Variants in NUDT16L1 observed in about 807,000 individuals in gnomAD.
NUDT16L1 encodes the protein tudor-interacting repair regulator protein.
Under a neutral mutation model 17.3 loss-of-function variants are expected in NUDT16L1, and 19 were observed. The observed-to-expected ratio is 1.10, with a 90% CI of 0.77 to 1.61. NUDT16L1 has a LOEUF of 1.61. NUDT16L1 is among the 40% of genes most tolerant of loss of function. NUDT16L1 has a pLI of 0.00. For synonymous variants in NUDT16L1, 255 were observed against 138.6 expected (o/e 1.84, Z -5.90); for missense variants, 341 against 292.0 (o/e 1.17, Z -1.22).
At chr16:4,693,607 C>T, upstream of NUDT16L1, 2 of 1,179,580 alleles carry the variant, frequency 1.7e-6, no homozygotes, top group Non-Finnish European at 1.1e-6. Flanking sequence ...CGGGGCGCGC[C>T]GGCGATTGGC....
upstream of NUDT16L1, chr16:4,693,670 G>A (rs773604973): frequency 4.9e-4 from 671 of 1,369,292 alleles, no homozygotes; most frequent in Non-Finnish European, 5.8e-4. Context: ...AGGCACGGCG[G>A]GGGCGGGCTC....
In NUDT16L1 at chr16:4,695,034, CCTTCGTGAGCACGG is replaced by C; in HGVS notation, c.494_507del (p.Phe165Ter). On this transcript the variant is annotated frameshift_variant, in exon 3 of 3. Transcript: ENST00000304301. LOFTEE classifies it high-confidence loss of function. ...GGCTTCCCCAACTTCCTGAGCAACG[CCTTCGTGAGCACGG>C]CTAAGTGCCAGCTCCTCTTTGCCCT... 1 of 1,613,400 alleles carries C rather than the reference CCTTCGTGAGCACGG, an allele frequency of 6.2e-7. No individual in the cohort carries two copies. The highest frequency in any genetic ancestry group is 8.5e-7 in the Non-Finnish European group (1 of 1,180,016).
chr16:4,694,577 G>A (rs1027555579), intron 2 of NUDT16L1: 2 of 1,444,150 alleles, frequency 1.4e-6, no homozygotes, highest in African/African-American at 1.4e-5. Flanking sequence ...GAGCACAGCG[G>A]GGGTTGTAAA....
exon 3 of NUDT16L1, chr16:4,695,242 G>A (rs1202830455): frequency 1.3e-6 from 2 of 1,534,536 alleles, no homozygotes; most frequent in Non-Finnish European, 1.8e-6. Flanking sequence ...TGCTAAGTGT[G>A]GCTTCTAGAG....
At chr16:4,694,331 C>G (rs1255174434) in intron 2 of NUDT16L1, 93 bp downstream of exon 2, 1 of 1,489,502 alleles carries the variant, frequency 6.7e-7, no homozygotes, top group Non-Finnish European at 8.9e-7. Flanking sequence ...CTGAGGGTCC[C>G]CTGGCCGGGC....
chr16:4,693,630 C>T, upstream of NUDT16L1: 4 of 1,288,688 alleles, frequency 3.1e-6, no homozygotes, highest in Non-Finnish European at 4.0e-6. Flanking sequence ...GGGAACCGGA[C>T]CCGGGGGCGC....
At chr16:4,695,748 C>T (rs1374590764) in exon 3 of NUDT16L1, 5 of 397,882 alleles carry the variant, frequency 1.3e-5, no homozygotes, top group East Asian at 3.6e-5. Flanking sequence ...CTTCACCCCA[C>T]GTGGCTTGGT....
At chr16:4,695,594 C>T in exon 3 of NUDT16L1, 1 of 433,518 alleles carries the variant, frequency 2.3e-6, no homozygotes, top group South Asian at 7.3e-5. Flanking sequence ...ATTCCTGCCT[C>T]CTTCCTGAGC....
chr16:4,694,606 G>T lies in NUDT16L1; in HGVS notation c.415-352G>T, dbSNP rs1169518054. 8 of 1,430,572 alleles carry T rather than the reference G, an allele frequency of 5.6e-6. No individual in the cohort carries two copies. In the African/African-American group the frequency reaches 1.2e-4, roughly 21 times the overall value. 88.6% of individuals were successfully genotyped at this position (1,430,572 alleles called of 1,614,324 possible). A position where few individuals can be genotyped will look rare whatever the true frequency, so the allele number is the denominator to read the frequency against. On this transcript the variant is annotated intron_variant, in intron 2 of 2. Coordinates refer to ENST00000304301, the Ensembl canonical transcript of NUDT16L1. The stretch of plus-strand genomic sequence containing the variant: ...TTGTAAAACTTGGGAACCTCATGTT[G>T]GGCGTGAAGGCTCTTGGGATTTGTA...
chr16:4,693,798 G>T, exon 1 of NUDT16L1: 1 of 1,572,952 alleles, frequency 6.4e-7, no homozygotes. Context: ...GGCCGGGCTG[G>T]AGCCACTCGT....
rs1198976875 is a variant in NUDT16L1, at chr16:4,695,056, C to A, written c.513C>A (p.Cys171Ter). 1.9e-5 allele frequency: 31 copies of A among 1,613,408 alleles called. No homozygotes were observed. In the Admixed American group the frequency reaches 5.0e-4, roughly 26 times the overall value. Residue 171 changes from cysteine to a stop codon, truncating the protein, a stop_gained, in exon 3 of 3, where the codon TGC becomes TGA. Transcript: ENST00000304301. LOFTEE classifies it high-confidence loss of function. ...ACGCCTTCGTGAGCACGGCTAAGTG[C>A]CAGCTCCTCTTTGCCCTCAAGGTGC...
intron 2 of NUDT16L1, 181 bp downstream of exon 2, chr16:4,694,419 G>C: frequency 6.7e-7 from 1 of 1,490,986 alleles, no homozygotes; most frequent in Non-Finnish European, 8.9e-7. Flanking sequence ...GGAGGGGCGG[G>C]GGTGGGGGCC....
chr16:4,695,224 G>T (rs1244745768), exon 3 of NUDT16L1: 5 of 1,584,198 alleles, frequency 3.2e-6, no homozygotes, highest in Non-Finnish European at 4.3e-6. Context: ...CGGAAGACTG[G>T]GAATTCCTGC....
upstream of NUDT16L1, chr16:4,693,622 GA>G: frequency 7.9e-7 from 1 of 1,259,882 alleles, no homozygotes; most frequent in Non-Finnish European, 1.0e-6. Flanking sequence ...ATTGGCGGGG[GA>G]ACCGGACCCG....
chr16:4,693,669 G>A (rs2079473933), upstream of NUDT16L1: 1 of 1,366,266 alleles, frequency 7.3e-7, no homozygotes, highest in Non-Finnish European at 9.5e-7. Flanking sequence ...GAGGCACGGC[G>A]GGGGCGGGCT....
chr16:4,694,930 C>T, intron 2 of NUDT16L1, 28 bp from the exon 3 acceptor site: 2 of 1,585,368 alleles, frequency 1.3e-6, no homozygotes, highest in Admixed American at 3.5e-5. Context: ...GCAGGCCTGG[C>T]CCCAACCCCT....
exon 3 of NUDT16L1, chr16:4,695,329 A>C (rs1053863306): frequency 1.2e-6 from 1 of 816,864 alleles, no homozygotes; most frequent in African/African-American, 1.7e-5. Flanking sequence ...CCAAGCAGTC[A>C]CTAGGTGGCG....
rs754025347 is a variant in NUDT16L1, at chr16:4,693,711, C to T, written c.-16C>T. 34 of 1,485,630 alleles carry T rather than the reference C, an allele frequency of 2.3e-5. No homozygotes were observed. Among genetic ancestry groups the T allele is most frequent in the South Asian group, 6.4e-5 (5 of 78,066 alleles). The allele number at this position is 1,485,630 out of a possible 1,614,324, so 92.0% of individuals were successfully genotyped here. ...TGCTCTTAAGTGGCAGCGGCGGGGA[C>T]GGGGTCAGTGCCAAGATGTCGACGG... On this transcript the variant is annotated 5_prime_UTR_variant, in exon 1 of 3. It adds an upstream start codon to the 5' untranslated region. Transcript: ENST00000304301.
exon 1 of NUDT16L1, chr16:4,693,717 C>T (rs1322904328): frequency 4.0e-6 from 6 of 1,499,440 alleles, no homozygotes; most frequent in African/African-American, 1.4e-5. Context: ...GGGACGGGGT[C>T]AGTGCCAAGA....
Sources: allele counts gnomAD v4.1 joint callset, GRCh38; gene constraint gnomAD v4.1.1; transcripts MANE v1.5; gene names NCBI Gene and HGNC (gene_info 2026-07-23, HGNC 2026-07-21).